The following GRIN2A variants were observed in gnomAD, a reference collection of about 807,000 sequenced individuals.
GRIN2A encodes glutamate ionotropic receptor NMDA type subunit 2A.
GRIN2A carries 22 observed loss-of-function variants against 113.4 expected under a neutral mutation model. The observed-to-expected ratio is 0.19, with a 90% confidence interval of 0.14 to 0.28. GRIN2A has a LOEUF of 0.28. GRIN2A is among the 10% of genes least tolerant of loss of function. GRIN2A has a pLI of 1.00. For synonymous variants in GRIN2A, 827 were observed against 738.4 expected (o/e 1.12, Z -1.94); for missense variants, 1,502 against 1,887.0 (o/e 0.80, Z 3.78).
At chr16:10,061,118 G>C (rs997835007) in intron 2 of GRIN2A, among the ~76,000 whole-genome samples, 6 of 152,198 alleles carry the variant, frequency 3.9e-5, no homozygotes, top group African/African-American at 7.2e-5. Context: ...TACAGCTAGA[G>C]TGTGCCCTTT....
chr16:9,770,267 T>A (rs1170248908), intron 11 of GRIN2A, among the ~76,000 whole-genome samples: 1 of 152,220 alleles, frequency 6.6e-6, no homozygotes, highest in African/African-American at 2.4e-5. Context: ...ATTTTATATG[T>A]ATATACATGA....
Position 10,174,314 on chromosome 16 carries a change from C to T in GRIN2A, c.414+5684G>A, listed in dbSNP as rs532371707. ...ACTCCTAAGCCTGTACCACAGGCCACGTAGAATGGGAAGAGAGTACAAACC... is the reference window on the plus strand; with the variant it reads ...ACTCCTAAGCCTGTACCACAGGCCATGTAGAATGGGAAGAGAGTACAAACC... On this transcript the variant is annotated intron_variant, in intron 2 of 12. Coordinates refer to ENST00000330684, the MANE Select transcript of GRIN2A (RefSeq NM_001134407.3). 3.9e-5 allele frequency among the ~76,000 whole-genome samples: 6 copies of T among 152,252 alleles called. No individual in the cohort carries two copies. The East Asian group carries it at 7.7e-4, about 20-fold the overall frequency.
chr16:9,837,571 A>T (rs2141333896), intron 7 of GRIN2A, among the ~76,000 whole-genome samples: 1 of 152,318 alleles, frequency 6.6e-6, no homozygotes, highest in African/African-American at 2.4e-5. Flanking sequence ...GTGTGAAAAG[A>T]AACAATTTCT....
chr16:9,963,417 T>C (rs2045482259), intron 2 of GRIN2A, among the ~76,000 whole-genome samples: 1 of 152,052 alleles, frequency 6.6e-6, no homozygotes, highest in Non-Finnish European at 1.5e-5. Context: ...TTTGTCCTAA[T>C]GCTCTCCCTC....
At chr16:10,144,189 C>T (rs1456412403) in intron 2 of GRIN2A, among the ~76,000 whole-genome samples, 1 of 152,138 alleles carries the variant, frequency 6.6e-6, no homozygotes, top group African/African-American at 2.4e-5. Context: ...TTTGCACCAA[C>T]CGATAATAAA....
chr16:10,088,694 G>A (rs1030442298), intron 2 of GRIN2A, among the ~76,000 whole-genome samples: 1 of 152,224 alleles, frequency 6.6e-6, no homozygotes, highest in African/African-American at 2.4e-5. Flanking sequence ...ACTCGGCTGT[G>A]TTGTGCGAAG....
intron 2 of GRIN2A, among the ~76,000 whole-genome samples, chr16:10,108,010 T>G (rs1044706683): frequency 3.0e-4 from 45 of 152,220 alleles, no homozygotes; most frequent in African/African-American, 1.1e-3. Context: ...TAGATCCTAC[T>G]CATGTATGTC....
Position 9,755,722 on chromosome 16 carries a change from A to G in GRIN2A, c.*7427T>C, listed in dbSNP as rs1900324126. On this transcript the variant is annotated 3_prime_UTR_variant, in exon 13 of 13. Transcript: ENST00000330684. The stretch of plus-strand genomic sequence containing the variant: ...GGGGCATGCCTGCAGGATATGTTAA[A>G]CATTAGGCCATTCTGGGTACCTATA... The G allele has an allele frequency of 4.8e-6, 1 of 209,862 alleles. No individual in the cohort carries two copies. Among genetic ancestry groups the G allele is most frequent in the Non-Finnish European group, 9.7e-6 (1 of 102,840 alleles). The allele number at this position is 209,862 out of a possible 1,614,324, so 13.0% of individuals were successfully genotyped here.
chr16:10,053,074 G>A (rs1031094891), intron 2 of GRIN2A, among the ~76,000 whole-genome samples: 2 of 151,426 alleles, frequency 1.3e-5, no homozygotes, highest in African/African-American at 4.9e-5. Context: ...TACAGACAGT[G>A]AGTCTGAGTA....
At chr16:9,843,015 A>G (rs2042708944) in intron 5 of GRIN2A, among the ~76,000 whole-genome samples, 1 of 148,680 alleles carries the variant, frequency 6.7e-6, no homozygotes, top group Non-Finnish European at 1.5e-5. Context: ...GAAAGAGAAA[A>G]AGGGGGGAGA....
At chr16:10,088,279 C>T (rs1024463332) in intron 2 of GRIN2A, among the ~76,000 whole-genome samples, 23 of 152,140 alleles carry the variant, frequency 1.5e-4, no homozygotes, top group Non-Finnish European at 2.6e-4. Context: ...GGAAATACTG[C>T]CAACATAGAC....
chr16:9,956,265 A>C (rs2045308004), intron 2 of GRIN2A, among the ~76,000 whole-genome samples: 1 of 152,194 alleles, frequency 6.6e-6, no homozygotes, highest in Non-Finnish European at 1.5e-5. Context: ...TAACTTAAAA[A>C]ATTTTAAACC....
intron 2 of GRIN2A, among the ~76,000 whole-genome samples, chr16:10,110,038 C>CTA (rs758496231): frequency 5.2e-4 from 79 of 152,220 alleles, no homozygotes; most frequent in Non-Finnish European, 9.6e-4. Context: ...TCTCCTAATG[C>CTA]TATCCCTCCC....
intron 4 of GRIN2A, among the ~76,000 whole-genome samples, chr16:9,873,460 G>A (rs1180779134): frequency 6.6e-6 from 1 of 152,078 alleles, no homozygotes; most frequent in Non-Finnish European, 1.5e-5. Flanking sequence ...CAGCACTTTG[G>A]GAGGCTGAGG....
At chr16:9,809,325 G>T (rs2042041316) in intron 10 of GRIN2A, among the ~76,000 whole-genome samples, 1 of 152,144 alleles carries the variant, frequency 6.6e-6, no homozygotes, top group South Asian at 2.1e-4. Flanking sequence ...AGCTACTCTG[G>T]TGGCTGAGGC....
chr16:10,122,766 C>A lies in GRIN2A; in HGVS notation c.414+57232G>T, dbSNP rs1216806083. On this transcript the variant is annotated intron_variant, in intron 2 of 12. Transcript: ENST00000330684. ...AGCCAACCTGAGGGAAATTGACGCA[C>A]GATCAGCATATTCCTTCCCCAAAAT... is the stretch of plus-strand genomic sequence containing the variant. Among the ~76,000 whole-genome samples, 3 of 152,096 alleles carry A rather than the reference C, an allele frequency of 2.0e-5. No individual in the cohort carries two copies. The East Asian group carries it at 5.8e-4, about 29-fold the overall frequency.
intron 2 of GRIN2A, among the ~76,000 whole-genome samples, chr16:10,133,575 C>T (rs1001242485): frequency 6.6e-6 from 1 of 152,042 alleles, no homozygotes; most frequent in African/African-American, 2.4e-5. Context: ...CCACTGCACT[C>T]CAGCCTGGGT....
intron 8 of GRIN2A, among the ~76,000 whole-genome samples, chr16:9,833,056 G>T (rs1298157852): frequency 6.6e-6 from 1 of 152,172 alleles, no homozygotes; most frequent in Non-Finnish European, 1.5e-5. Context: ...ACCATATCAA[G>T]TCATTTTTTG....
chr16:10,136,079 T>C (rs2442097), intron 2 of GRIN2A, among the ~76,000 whole-genome samples: 144,004 of 152,234 alleles, frequency 0.95, 68,492 homozygotes, highest in East Asian at 1. Flanking sequence ...AAAGCAGATG[T>C]GCTTATCCTT....
Sources: gnomAD v4.1 joint callset for allele counts (sites outside exome capture counted in the v4.1 genomes callset) on GRCh38, gnomAD v4.1.1 for gene constraint, MANE v1.5 for transcripts, NCBI Gene and HGNC (gene_info 2026-07-23, HGNC 2026-07-21) for gene names.